DGKB: variants seen among roughly 807,000 people sequenced by gnomAD.
DGKB encodes the protein 90 kDa diacylglycerol kinase.
Under a neutral mutation model 114.3 loss-of-function variants are expected in DGKB, and 67 were observed. The observed-to-expected ratio is 0.59, with a 90% CI of 0.48 to 0.72. DGKB has a LOEUF of 0.72. Among genes scored for constraint, DGKB ranks in the 30% least tolerant of loss-of-function variants. DGKB has a pLI of 0.00. For synonymous variants in DGKB, 398 were observed against 323.1 expected (o/e 1.23, Z -2.49); for missense variants, 907 against 975.2 (o/e 0.93, Z 0.93).
Position 14,345,252 on chromosome 7 carries a change from G to A in DGKB, c.1926+49C>T, listed in dbSNP as rs376205767. 80 of 1,096,242 alleles carry A rather than the reference G, an allele frequency of 7.3e-5. No individual in the cohort carries two copies. In the African/African-American group the frequency reaches 1.1e-3, roughly 15 times the overall value. The allele number at this position is 1,096,242 out of a possible 1,614,324, so 67.9% of individuals were successfully genotyped here. A position where few individuals can be genotyped will look rare whatever the true frequency, so the allele number is the denominator to read the frequency against. On this transcript the variant is annotated intron_variant, in intron 22 of 25. Coordinates refer to ENST00000402815, the MANE Select transcript of DGKB (RefSeq NM_001350709.2). ...CCAATGCAAATATACTAACAACAAA[G>A]CTCAAGCCATTTCATCATATTACAA... is the stretch of plus-strand genomic sequence containing the variant.
intron 1 of DGKB, among the ~76,000 whole-genome samples, chr7:14,882,463 T>A (rs1050765151): frequency 6.6e-6 from 1 of 152,060 alleles, no homozygotes; most frequent in Non-Finnish European, 1.5e-5. Context: ...TAAGTAAATT[T>A]TTGCAATACA....
intron 21 of DGKB, among the ~76,000 whole-genome samples, chr7:14,363,537 A>G (rs1284449903): frequency 6.6e-6 from 1 of 152,116 alleles, no homozygotes; most frequent in Admixed American, 6.6e-5. Flanking sequence ...ACCAGAAACC[A>G]ATAGAAAGAA....
In DGKB at chr7:14,183,220, C is replaced by T. The variant is rs1449218097; in HGVS notation, c.2123-5069G>A. On this transcript the variant is annotated intron_variant, in intron 23 of 25. Coordinates refer to ENST00000402815, the MANE Select transcript of DGKB (RefSeq NM_001350709.2). The stretch of plus-strand genomic sequence containing the variant: ...AATAAACTTTTAAAAGGCCAAGGAA[C>T]ATATGAAATCCATTCACTAGAGTGA... 2.6e-5 allele frequency among the ~76,000 whole-genome samples: 4 copies of T among 152,260 alleles called. No homozygotes were observed. The East Asian group carries it at 7.7e-4, about 29-fold the overall frequency.
At chr7:14,314,784 C>T (rs1408481888) in intron 23 of DGKB, among the ~76,000 whole-genome samples, 1 of 151,272 alleles carries the variant, frequency 6.6e-6, no homozygotes, top group Non-Finnish European at 1.5e-5. Context: ...ACAGAGAACG[C>T]CACAAAGATA....
At chr7:14,160,434 A>ATACAAAATCAATG (rs1783704457) in intron 25 of DGKB, among the ~76,000 whole-genome samples, 1 of 152,248 alleles carries the variant, frequency 6.6e-6, no homozygotes, top group Admixed American at 6.5e-5. Context: ...AAGTCTCAGC[A>ATACAAAATCAATG]TACAAAATCA....
chr7:14,822,950 T>C (rs879862946), intron 2 of DGKB, among the ~76,000 whole-genome samples: 1 of 152,068 alleles, frequency 6.6e-6, no homozygotes, highest in African/African-American at 2.4e-5. Flanking sequence ...ATCTTAATTA[T>C]AATTGGATAA....
At chr7:14,537,178 C>T (rs932143026) in intron 20 of DGKB, among the ~76,000 whole-genome samples, 6 of 151,908 alleles carry the variant, frequency 3.9e-5, no homozygotes, top group Non-Finnish European at 7.4e-5. Flanking sequence ...AAGACACAAA[C>T]AAATGGATAG....
At chr7:14,420,009 T>C (rs892892493) in intron 21 of DGKB, among the ~76,000 whole-genome samples, 2 of 152,014 alleles carry the variant, frequency 1.3e-5, no homozygotes, top group Non-Finnish European at 2.9e-5. Context: ...TGGACAGATA[T>C]GTGTGAGGCT....
intron 17 of DGKB, among the ~76,000 whole-genome samples, chr7:14,605,982 CA>C (rs1330881941): frequency 4.6e-5 from 7 of 152,088 alleles, no homozygotes; most frequent in Non-Finnish European, 8.8e-5. Context: ...TTGTAATTAG[CA>C]GAGCCAATTG....
chr7:14,707,179 C>A (rs981766775), intron 6 of DGKB, among the ~76,000 whole-genome samples: 6 of 129,756 alleles, frequency 4.6e-5, no homozygotes, highest in African/African-American at 1.5e-4. Context: ...TCAGAGAATA[C>A]TACAAACACC....
chr7:14,926,528 A>G (rs940736621), intron 1 of DGKB, among the ~76,000 whole-genome samples: 1 of 147,204 alleles, frequency 6.8e-6, no homozygotes, highest in Non-Finnish European at 1.5e-5. Context: ...AAGTGGGAGG[A>G]TCTGTGAAGA....
intron 17 of DGKB, among the ~76,000 whole-genome samples, chr7:14,590,558 C>G (rs893360437): frequency 1.3e-4 from 20 of 152,158 alleles, no homozygotes; most frequent in African/African-American, 4.8e-5. Flanking sequence ...CCAGCTTACT[C>G]TCTGTAAATT....
chr7:14,377,294 T>A (rs1233359091), intron 21 of DGKB, among the ~76,000 whole-genome samples: 1 of 152,226 alleles, frequency 6.6e-6, no homozygotes, highest in Non-Finnish European at 1.5e-5. Flanking sequence ...TGTAGAGAAC[T>A]CTAACAATGG....
At chr7:14,850,900 T>C (rs1262773042) in intron 1 of DGKB, among the ~76,000 whole-genome samples, 1 of 152,234 alleles carries the variant, frequency 6.6e-6, no homozygotes, top group African/African-American at 2.4e-5. Context: ...TTCTGAGCTA[T>C]GTGTCTTCAC....
At chr7:14,903,533 T>C (rs1783453688), upstream of DGKB, among the ~76,000 whole-genome samples, 1 of 152,058 alleles carries the variant, frequency 6.6e-6, no homozygotes, top group Admixed American at 6.6e-5. Context: ...CCCTCTCCCT[T>C]CTACAACTGT....
chr7:14,163,001 G>C (rs778829773), intron 25 of DGKB, among the ~76,000 whole-genome samples: 7 of 151,956 alleles, frequency 4.6e-5, no homozygotes, highest in Non-Finnish European at 8.8e-5. Context: ...TAAAATAAAT[G>C]ATTAATGGTA....
At chr7:14,546,195 C>A (rs938012920) in intron 20 of DGKB, among the ~76,000 whole-genome samples, 3 of 152,036 alleles carry the variant, frequency 2.0e-5, no homozygotes, top group Non-Finnish European at 2.9e-5. Flanking sequence ...AAATATGGAA[C>A]CCAACCAATC....
intron 23 of DGKB, among the ~76,000 whole-genome samples, chr7:14,258,214 A>G (rs1270685605): frequency 2.0e-5 from 3 of 152,224 alleles, no homozygotes; most frequent in Admixed American, 2.0e-4. Flanking sequence ...ACTTTGTGAT[A>G]CCATGTATTC....
chr7:14,879,515 T>C (rs1853889948), intron 1 of DGKB, among the ~76,000 whole-genome samples: 1 of 152,226 alleles, frequency 6.6e-6, no homozygotes, highest in Non-Finnish European at 1.5e-5. Flanking sequence ...TAAATATTTA[T>C]GTCTTTAAAA....
Sources: allele counts gnomAD v4.1 joint callset (sites outside exome capture counted in the v4.1 genomes callset), GRCh38; gene constraint gnomAD v4.1.1; transcripts MANE v1.5; gene names NCBI Gene and HGNC (gene_info 2026-07-23, HGNC 2026-07-21).